The following LINGO1 variants were observed in gnomAD, a reference collection of about 807,000 sequenced individuals.
The protein encoded by LINGO1 is leucine-rich repeat and immunoglobulin-like domain-containing nogo receptor-interacting protein 1.
In LINGO1, 11 loss-of-function variants were observed where a neutral mutation model predicts 37.3. The observed-to-expected ratio is 0.29, with a 90% CI of 0.19 to 0.49. LINGO1 has a LOEUF of 0.49. Among genes scored for constraint, LINGO1 ranks in the 20% least tolerant of loss-of-function variants. LINGO1 has a pLI of 0.99. For synonymous variants in LINGO1, 387 were observed against 403.0 expected (o/e 0.96, Z 0.48); for missense variants, 585 against 878.2 (o/e 0.67, Z 4.22).
At chr15:77,664,961 G>A (rs1367669750) in intron 3 of LINGO1, among the ~76,000 whole-genome samples, 1 of 152,194 alleles carries the variant, frequency 6.6e-6, no homozygotes, top group Non-Finnish European at 1.5e-5. Flanking sequence ...CACACATACA[G>A]AGATCTGCAT....
chr15:77,716,303 C>T (rs1158122961), intron 2 of LINGO1, among the ~76,000 whole-genome samples: 1 of 113,680 alleles, frequency 8.8e-6, no homozygotes, highest in Non-Finnish European at 1.8e-5. Context: ...TTTTTTGAGA[C>T]AGGGTCTCAC....
chr15:77,763,443 T>C (rs1457458305), intron 1 of LINGO1, among the ~76,000 whole-genome samples: 1 of 151,970 alleles, frequency 6.6e-6, no homozygotes, highest in Non-Finnish European at 1.5e-5. Context: ...CAAGTCAGTT[T>C]CTCAAAAAGG....
chr15:77,645,337 G>C (rs988572687), intron 3 of LINGO1, among the ~76,000 whole-genome samples: 1 of 152,124 alleles, frequency 6.6e-6, no homozygotes, highest in African/African-American at 2.4e-5. Context: ...AGTGGGGTGG[G>C]TGGGATAGGG....
intron 1 of LINGO1, among the ~76,000 whole-genome samples, chr15:77,781,055 C>T (rs920938668): frequency 2.0e-5 from 3 of 152,232 alleles, no homozygotes; most frequent in Non-Finnish European, 4.4e-5. Context: ...CCTTGGACAC[C>T]GCAGACCTGG....
intron 1 of LINGO1, among the ~76,000 whole-genome samples, chr15:77,752,195 G>T (rs902663661): frequency 2.6e-5 from 4 of 152,202 alleles, no homozygotes; most frequent in African/African-American, 4.8e-5. Flanking sequence ...GGCCCTGCCT[G>T]CCCCAGCCCC....
intron 1 of LINGO1, among the ~76,000 whole-genome samples, chr15:77,772,670 G>A (rs943147791): frequency 2.3e-4 from 34 of 149,652 alleles, no homozygotes; most frequent in African/African-American, 8.0e-4. Context: ...GTCCTTCTCA[G>A]CTGCAGAAAA....
chr15:77,666,024 G>A (rs1305446644), intron 3 of LINGO1, among the ~76,000 whole-genome samples: 1 of 152,228 alleles, frequency 6.6e-6, no homozygotes, highest in East Asian at 1.9e-4. Flanking sequence ...CTCCCCCAGG[G>A]CACAGCGAGG....
chr15:77,750,688 C>T (rs1239848607), intron 1 of LINGO1, among the ~76,000 whole-genome samples: 2 of 152,250 alleles, frequency 1.3e-5, no homozygotes, highest in African/African-American at 4.8e-5. Context: ...AGACACTTGA[C>T]ACCCTGCACC....
At chr15:77,727,467 T>C (rs1039431319) in intron 2 of LINGO1, among the ~76,000 whole-genome samples, 3 of 152,198 alleles carry the variant, frequency 2.0e-5, no homozygotes, top group African/African-American at 7.2e-5. Context: ...GAGGACATTA[T>C]GCTATGTGAA....
rs58711165 is a variant in LINGO1 at position 77,751,722 on chromosome 15, C to G, written c.-256-16669G>C. 2.0e-5 allele frequency among the ~76,000 whole-genome samples: 3 copies of G among 152,302 alleles called. No individual in the cohort carries two copies. In the East Asian group the frequency reaches 5.8e-4, roughly 29 times the overall value. On this transcript the variant is annotated intron_variant, in intron 1 of 3. Transcript: ENST00000561686. ...CAAATGCTTTTGCCTTTGAATCCAG[C>G]CATTCAACTGGCCCCACTGCCTCCC...
chr15:77,637,247 G>C (rs1480588460), upstream of LINGO1, among the ~76,000 whole-genome samples: 1 of 152,226 alleles, frequency 6.6e-6, no homozygotes, highest in Non-Finnish European at 1.5e-5. The surrounding 1 kb of genome is among the most constrained non-coding windows in gnomAD (Gnocchi z 4.6). Flanking sequence ...GAGATATGCA[G>C]GTTCCCAGGG....
In LINGO1 at chr15:77,726,529, C is replaced by T. The variant is rs576489906; in HGVS notation, c.-195+8463G>A. On this transcript the variant is annotated intron_variant, in intron 2 of 3. Coordinates refer to the LINGO1 transcript ENST00000561686. Reference sequence around the variant, plus strand: ...AGTTGCTACGGCCTCTGCTCAGTTTCTGGATTTCCACAAGCAAAACAAATG... The same window carrying T: ...AGTTGCTACGGCCTCTGCTCAGTTTTTGGATTTCCACAAGCAAAACAAATG... Among the ~76,000 whole-genome samples the T allele has an allele frequency of 2.6e-5, 4 of 152,370 alleles. No homozygotes were observed. The South Asian group carries it at 6.2e-4, about 24-fold the overall frequency.
chr15:77,685,062 G>C (rs1455554765), intron 2 of LINGO1, among the ~76,000 whole-genome samples: 1 of 149,686 alleles, frequency 6.7e-6, no homozygotes, highest in Non-Finnish European at 1.5e-5. Flanking sequence ...AGGGGCCAGA[G>C]GCAGCTTGAG....
chr15:77,670,982 AG>A (rs1442687029), intron 3 of LINGO1, among the ~76,000 whole-genome samples: 1 of 152,136 alleles, frequency 6.6e-6, no homozygotes, highest in African/African-American at 2.4e-5. Flanking sequence ...TTGCTCACAT[AG>A]GGCCCGCTTC....
chr15:77,665,075 C>T (rs528619327), intron 3 of LINGO1, among the ~76,000 whole-genome samples: 21 of 152,166 alleles, frequency 1.4e-4, no homozygotes, highest in African/African-American at 2.9e-4. Context: ...TGGGCAGGGA[C>T]GCCTGGTTCC....
At chr15:77,661,612 G>A (rs962330268) in intron 3 of LINGO1, among the ~76,000 whole-genome samples, 2 of 152,246 alleles carry the variant, frequency 1.3e-5, no homozygotes, top group African/African-American at 2.4e-5. Context: ...AGGGCAGAAG[G>A]CAAGACCTTC....
At chr15:77,763,515 C>T (rs1208190638) in intron 1 of LINGO1, among the ~76,000 whole-genome samples, 2 of 152,122 alleles carry the variant, frequency 1.3e-5, no homozygotes, top group Non-Finnish European at 2.9e-5. Flanking sequence ...GCTTTGCCCA[C>T]CCCCCACTGA....
chr15:77,746,844 C>T (rs67631690), intron 1 of LINGO1, among the ~76,000 whole-genome samples: 21,386 of 152,066 alleles, frequency 0.14, 1,935 homozygotes, highest in African/African-American at 0.26. Context: ...ATCTGCCTCC[C>T]ACCCCTCTCC....
intron 2 of LINGO1, among the ~76,000 whole-genome samples, chr15:77,703,799 C>T (rs868565767): frequency 2.0e-5 from 3 of 152,244 alleles, no homozygotes; most frequent in Admixed American, 1.3e-4. Flanking sequence ...TCAGACCTTG[C>T]AGGAAGGTCT....
Sources: gnomAD v4.1 joint callset for allele counts (sites outside exome capture counted in the v4.1 genomes callset) on GRCh38, gnomAD v4.1.1 for gene constraint, Gnocchi (gnomAD v3.1) non-coding constraint, MANE v1.5 for transcripts, NCBI Gene and HGNC (gene_info 2026-07-23, HGNC 2026-07-21) for gene names.